Variants in HMCN2 observed in about 807,000 individuals in gnomAD.
The protein encoded by HMCN2 is hemicentin 2.
Under a neutral mutation model 377.5 loss-of-function variants are expected in HMCN2, and 325 were observed. The ratio of observed to expected loss-of-function variants is 0.86; its 90% CI spans 0.79 to 0.94. The LOEUF (loss-of-function observed/expected upper bound fraction) is 0.94. Ranked by LOEUF, HMCN2 falls within the 40% of genes least tolerant of loss-of-function variation. HMCN2 has a pLI of 0.00. For synonymous variants in HMCN2, 2,007 were observed against 2,046.8 expected (o/e 0.98, Z 0.53); for missense variants, 4,543 against 4,725.3 (o/e 0.96, Z 1.13).
At chr9:130,380,175 C>T (rs1279467223) in intron 54 of HMCN2, among the ~76,000 whole-genome samples, 1 of 152,244 alleles carries the variant, frequency 6.6e-6, no homozygotes, top group Non-Finnish European at 1.5e-5. Context: ...CCACCACGCT[C>T]AGCCAGGTTT....
chr9:130,358,329 C>T (rs1248000623), intron 35 of HMCN2, 61 bp from the exon 36 acceptor site: 16 of 1,300,652 alleles, frequency 1.2e-5, no homozygotes, highest in African/African-American at 4.6e-5. Flanking sequence ...CCTGGCCACT[C>T]GCCATGTCCC....
At chr9:130,365,247 G>T (rs1356137938) in intron 41 of HMCN2, among the ~76,000 whole-genome samples, 1 of 152,234 alleles carries the variant, frequency 6.6e-6, no homozygotes, top group Non-Finnish European at 1.5e-5. Context: ...CCTGAGGACA[G>T]GTCCCCTGCA....
intron 22 of HMCN2, among the ~76,000 whole-genome samples, chr9:130,332,894 G>T (rs1048181957): frequency 6.6e-6 from 1 of 152,206 alleles, no homozygotes; most frequent in Non-Finnish European, 1.5e-5. Context: ...CTGGCGGGGA[G>T]TGCCGTTCAT....
At position 130,384,705 on chromosome 9, in the gene HMCN2, G is replaced by C. The variant is rs555752029; in HGVS notation, c.9013G>C (p.Gly3005Arg). The C allele has an allele frequency of 5.4e-6, 7 of 1,302,492 alleles. No individual in the cohort carries two copies. The East Asian group carries it at 3.9e-4, about 72-fold the overall frequency. The allele number at this position is 1,302,492 out of a possible 1,614,324, so 80.7% of individuals were successfully genotyped here. A position where few individuals can be genotyped will look rare whatever the true frequency, so the allele number is the denominator to read the frequency against. The stretch of plus-strand genomic sequence containing the variant: ...GGCAGGCACCCACACGCTGCAGCTG[G>C]GGAGAGCACGGCTGTCGGACTCCGG... ...LLPGTHTLQLGRARLSDSGMY... is the reference protein window; with the variant it reads ...LLPGTHTLQLRRARLSDSGMY... The change falls in exon 59 of 98, where the codon GGG becomes CGG. Residue 3005 changes from glycine (G) to arginine (R), a missense_variant. By Grantham distance (125) the Gly-to-Arg change is moderately radical. Transcript: ENST00000683500.
At chr9:130,279,125 T>A (rs992916379) in intron 1 of HMCN2, among the ~76,000 whole-genome samples, 4 of 147,928 alleles carry the variant, frequency 2.7e-5, no homozygotes, top group Non-Finnish European at 4.5e-5. Flanking sequence ...GGTCTCGAAC[T>A]CCTGACCTCG....
At chr9:130,327,874 T>C (rs1838227796) in intron 22 of HMCN2, among the ~76,000 whole-genome samples, 1 of 152,094 alleles carries the variant, frequency 6.6e-6, no homozygotes. Flanking sequence ...CCCCCATGCC[T>C]GCTCTGCAGA....
In HMCN2 at chr9:130,414,629, T is replaced by A. The variant is rs1588425011; in HGVS notation, c.12961+3977T>A. Among the ~76,000 whole-genome samples, 3 of 142,702 alleles carry A rather than the reference T, an allele frequency of 2.1e-5. No homozygotes were observed. The highest frequency in any genetic ancestry group is 4.2e-4 in the East Asian group (2 of 4,738). 93.6% of individuals were successfully genotyped at this position (142,702 alleles called of 152,430 possible). The stretch of plus-strand genomic sequence containing the variant: ...TGATAAGGACTTTTTTTTTTTTTTT[T>A]AAGACAAGGTCTGACTCTGTTGCCC... On this transcript the variant is annotated intron_variant, in intron 85 of 97. Transcript: ENST00000683500. The surrounding 1 kb of genome is among the most constrained non-coding windows in gnomAD (Gnocchi z 4.4).
At chr9:130,286,337 C>T (rs782575979) in intron 4 of HMCN2, 27 bp downstream of exon 4, 46 of 469,710 alleles carry the variant, frequency 9.8e-5, no homozygotes, top group African/African-American at 1.6e-4. Flanking sequence ...GGCACCATCC[C>T]GGAGCCCATC....
intron 15 of HMCN2, among the ~76,000 whole-genome samples, chr9:130,312,604 CTTTCTTTCTT>C (rs1837327713): frequency 5.9e-5 from 6 of 102,100 alleles, no homozygotes; most frequent in Admixed American, 1.2e-4. Context: ...TTCTTTCTTT[CTTTCTTTCTT>C]TCTCTGTCTC....
At chr9:130,371,414 G>A (rs1015484576) in intron 46 of HMCN2, among the ~76,000 whole-genome samples, 37 of 147,038 alleles carry the variant, frequency 2.5e-4, no homozygotes, top group Non-Finnish European at 2.8e-4. Context: ...AAGTCCTGCA[G>A]AAAAAAAAAA....
At chr9:130,432,900 T>A in intron 97 of HMCN2, 1 of 370,434 alleles carries the variant, frequency 2.7e-6, no homozygotes, top group Non-Finnish European at 4.9e-6. Context: ...GCTGCTGCCC[T>A]GGAAAGGTTT....
At chr9:130,326,209 C>T (rs1838127052) in intron 21 of HMCN2, among the ~76,000 whole-genome samples, 1 of 152,134 alleles carries the variant, frequency 6.6e-6, no homozygotes, top group African/African-American at 2.4e-5. Context: ...AGGGCTTGTG[C>T]ACATGTAGTT....
chr9:130,289,309 T>C (rs781983470), intron 4 of HMCN2, among the ~76,000 whole-genome samples: 16 of 151,850 alleles, frequency 1.1e-4, no homozygotes, highest in Non-Finnish European at 1.8e-4. Context: ...GAGAAAGGTG[T>C]CCTTCTAAGA....
intron 19 of HMCN2, among the ~76,000 whole-genome samples, chr9:130,323,372 C>T (rs924867480): frequency 6.6e-5 from 10 of 152,188 alleles, no homozygotes; most frequent in Non-Finnish European, 1.3e-4. Flanking sequence ...TTAGAGACCC[C>T]GTGTTCAAGC....
intron 4 of HMCN2, among the ~76,000 whole-genome samples, chr9:130,287,021 G>A (rs192291625): frequency 2.6e-5 from 4 of 152,274 alleles, no homozygotes; most frequent in Admixed American, 6.5e-5. Flanking sequence ...GATGAACAAC[G>A]CTCTCTCTGG....
In HMCN2 at chr9:130,384,780, G is replaced by A. The variant is rs1374804618; in HGVS notation, c.9088G>A (p.Val3030Met). Residue 3030 changes from valine (V) to methionine (M), a missense_variant, in exon 59 of 98, where the codon GTG (valine) becomes ATG (methionine). Val to Met is a conservative substitution (Grantham distance 21). This residue lies in a region of HMCN2 where 736 missense variants were observed against 773.2 expected (regional missense o/e 0.95). Coordinates refer to ENST00000683500, the MANE Select transcript of HMCN2 (RefSeq NM_001291815.2). ...LNAAGRDQKL[V>M]QLSVLVPPAF... Reference sequence around the variant, plus strand: ...TGCTGCCGGCCGAGACCAGAAGCTGGTGCAGCTCAGTGTTCTGGGTATGTC... The same window carrying A: ...TGCTGCCGGCCGAGACCAGAAGCTGATGCAGCTCAGTGTTCTGGGTATGTC... 3.8e-6 allele frequency: 5 copies of A among 1,303,314 alleles called. No individual in the cohort carries two copies. In the Admixed American group the frequency reaches 1.1e-4, roughly 30 times the overall value. The allele number at this position is 1,303,314 out of a possible 1,614,324, so 80.7% of individuals were successfully genotyped here. A position where few individuals can be genotyped will look rare whatever the true frequency, so the allele number is the denominator to read the frequency against.
At chr9:130,433,197 G>A in intron 97 of HMCN2, 151 bp from the exon 98 acceptor site, 1 of 574,044 alleles carries the variant, frequency 1.7e-6, no homozygotes, top group Non-Finnish European at 2.8e-6. Context: ...GTGGGAGCCT[G>A]CAGAGAAGGC....
chr9:130,374,672 C>T lies in HMCN2; in HGVS notation c.7609C>T (p.His2537Tyr). The T allele has an allele frequency of 1.0e-6, 1 of 985,842 alleles. No homozygotes were observed. The highest frequency in any genetic ancestry group is 1.2e-6 in the Non-Finnish European group (1 of 829,950). 61.1% of individuals were successfully genotyped at this position (985,842 alleles called of 1,614,324 possible). A position where few individuals can be genotyped will look rare whatever the true frequency, so the allele number is the denominator to read the frequency against. ...AANAVGEKTKHFQLSVLLAPT... is the reference protein window; with the variant it reads ...AANAVGEKTKYFQLSVLLAPT... ...CAACGCTGTTGGGGAGAAGACCAAA[C>T]ACTTCCAGCTCAGTGTCCTGTGTAA... The change falls in exon 49 of 98, where the codon CAC becomes TAC. Residue 2537 changes from histidine to tyrosine, a missense_variant. Around this residue, in one of 5 missense-constraint regions of HMCN2, gnomAD observed 736 missense variants for 773.2 expected, o/e 0.95. Coordinates refer to ENST00000683500, the MANE Select transcript of HMCN2 (RefSeq NM_001291815.2).
chr9:130,385,630 T>C lies in HMCN2; in HGVS notation c.9177T>C (p.Ala3059=). ...TCCTGGTGAGGGTCGGGGACAAAGC[T>C]GTCCTGAGCTGCGAGACAGATGCGC... ...DAVLVRVGDK[A]VLSCETDALP... Residue 3059 remains alanine (A), a synonymous_variant, in exon 60 of 98, where the codon GCT becomes GCC. Coordinates refer to ENST00000683500, the MANE Select transcript of HMCN2 (RefSeq NM_001291815.2). 7.7e-7 allele frequency: 1 copy of C among 1,304,126 alleles called. No homozygotes were observed. Among genetic ancestry groups the C allele is most frequent in the Non-Finnish European group, 1.0e-6 (1 of 988,882 alleles). 80.8% of individuals were successfully genotyped at this position (1,304,126 alleles called of 1,614,324 possible). A position where few individuals can be genotyped will look rare whatever the true frequency, so the allele number is the denominator to read the frequency against.
Sources: gnomAD v4.1 joint callset for allele counts (sites outside exome capture counted in the v4.1 genomes callset) on GRCh38, gnomAD v4.1.1 for gene constraint, gnomAD v4.1.1 regional missense constraint, Gnocchi (gnomAD v3.1) non-coding constraint, MANE v1.5 for transcripts, NCBI Gene and HGNC (gene_info 2026-07-23, HGNC 2026-07-21) for gene names.